SYT14: variants seen among roughly 807,000 people sequenced by gnomAD.
SYT14 encodes the protein synaptotagmin 14, also known as synaptotagmin-14.
SYT14 carries 32 observed loss-of-function variants against 74.2 expected under a neutral mutation model. The ratio of observed to expected loss-of-function variants is 0.43; its 90% CI spans 0.33 to 0.58. The LOEUF (loss-of-function observed/expected upper bound fraction) is 0.58. Ranked by LOEUF, SYT14 falls within the 20% of genes least tolerant of loss-of-function variation. SYT14 has a pLI of 0.05. For missense variants in SYT14, 791 were observed against 981.8 expected, an observed-to-expected ratio of 0.81 and a Z score of 2.60; for synonymous variants, 298 against 337.7, an observed-to-expected ratio of 0.88 and a Z score of 1.29.
intron 2 of SYT14, among the ~76,000 whole-genome samples, chr1:210,001,886 G>A (rs1208592922): frequency 6.6e-6 from 1 of 152,168 alleles, no homozygotes; most frequent in African/African-American, 2.4e-5. Flanking sequence ...AACTAGTAGG[G>A]AAGTGGTAGG....
At chr1:210,049,564 T>G (rs2102372782) in intron 5 of SYT14, among the ~76,000 whole-genome samples, 1 of 152,264 alleles carries the variant, frequency 6.6e-6, no homozygotes, top group African/African-American at 2.4e-5. Context: ...GTATTTCTCC[T>G]AATGCTATCC....
Position 210,155,315 on chromosome 1 carries a change from G to T in SYT14, c.2035-406G>T, listed in dbSNP as rs560976911. Among the ~76,000 whole-genome samples the T allele has an allele frequency of 1.1e-4, 16 of 152,198 alleles. No homozygotes were observed. The East Asian group carries it at 2.7e-3, about 26-fold the overall frequency. On this transcript the variant is annotated intron_variant, in intron 7 of 9. Transcript: ENST00000637265. Reference sequence around the variant, plus strand: ...TTTAGATGTTGGCTTATAAATAGCAGGTAGTTTTGTTTTGTTTATTTAAAG... The same window carrying T: ...TTTAGATGTTGGCTTATAAATAGCATGTAGTTTTGTTTTGTTTATTTAAAG...
exon 10 of SYT14, chr1:210,166,313 C>G (rs2083454749): frequency 1.3e-5 from 2 of 152,230 alleles, no homozygotes; most frequent in African/African-American, 2.4e-5. Flanking sequence ...CGCCTGTAAT[C>G]CCAACACTTT....
intron 2 of SYT14, among the ~76,000 whole-genome samples, chr1:209,955,060 T>A (rs935150852): frequency 3.3e-5 from 5 of 152,180 alleles, no homozygotes; most frequent in African/African-American, 1.2e-4. Context: ...TTTGCTAGCC[T>A]CTCTCCCCTG....
intron 2 of SYT14, among the ~76,000 whole-genome samples, chr1:209,956,601 A>G (rs553614942): frequency 6.6e-6 from 1 of 152,294 alleles, no homozygotes; most frequent in South Asian, 2.1e-4. Context: ...AGTAACTTCA[A>G]AACAGGCTAG....
chr1:210,008,450 G>C (rs2080028605), intron 2 of SYT14, among the ~76,000 whole-genome samples: 1 of 152,016 alleles, frequency 6.6e-6, no homozygotes, highest in Non-Finnish European at 1.5e-5. Flanking sequence ...TGCAGCCTCT[G>C]CCTCCTGGCT....
At chr1:209,947,365 G>A (rs1380695712) in intron 1 of SYT14, among the ~76,000 whole-genome samples, 12 of 152,190 alleles carry the variant, frequency 7.9e-5, no homozygotes, top group Admixed American at 7.9e-4. Flanking sequence ...AAGAACATTT[G>A]TGATTCATTA....
chr1:210,116,426 C>G (rs2082362663), intron 7 of SYT14, among the ~76,000 whole-genome samples: 1 of 152,198 alleles, frequency 6.6e-6, no homozygotes, highest in South Asian at 2.1e-4. Flanking sequence ...GCAACCTCCA[C>G]TTCCCAGGTT....
At chr1:210,053,429 G>A (rs1175724684) in intron 5 of SYT14, among the ~76,000 whole-genome samples, 1 of 152,204 alleles carries the variant, frequency 6.6e-6, no homozygotes, top group Non-Finnish European at 1.5e-5. Flanking sequence ...AATTAGGACT[G>A]CTTTTTAGGC....
At chr1:210,033,649 A>G (rs1194522022) in intron 5 of SYT14, among the ~76,000 whole-genome samples, 3 of 151,824 alleles carry the variant, frequency 2.0e-5, no homozygotes, top group Non-Finnish European at 4.4e-5. Context: ...CAAAAGTAAG[A>G]TCATTTAAAT....
chr1:210,000,613 C>CTTTT (rs71146203), intron 2 of SYT14, among the ~76,000 whole-genome samples: 17 of 105,444 alleles, frequency 1.6e-4, no homozygotes, highest in Admixed American at 5.1e-4. Context: ...TTTATGCCTT[C>CTTTT]TTTTTTTTTT....
At chr1:209,977,975 C>A (rs2079400495) in intron 2 of SYT14, among the ~76,000 whole-genome samples, 2 of 152,146 alleles carry the variant, frequency 1.3e-5, no homozygotes, top group Admixed American at 1.3e-4. Flanking sequence ...ATCACTGATA[C>A]CCTTTCTTCC....
intron 7 of SYT14, among the ~76,000 whole-genome samples, chr1:210,101,830 A>T (rs1572300963): frequency 6.6e-6 from 1 of 152,166 alleles, no homozygotes; most frequent in East Asian, 1.9e-4. Context: ...TCTCATTTAA[A>T]TTAGAAGAGA....
At chr1:209,969,246 C>G (rs755364654) in intron 2 of SYT14, among the ~76,000 whole-genome samples, 16 of 151,920 alleles carry the variant, frequency 1.1e-4, no homozygotes, top group Non-Finnish European at 1.8e-4. Context: ...GATTTATTTT[C>G]TTTTGGAGAT....
intron 5 of SYT14, among the ~76,000 whole-genome samples, chr1:210,078,216 A>G (rs969043512): frequency 4.1e-5 from 6 of 145,904 alleles, no homozygotes; most frequent in African/African-American, 1.0e-4. Context: ...AGGCTGAGGC[A>G]GGAGAATGGC....
intron 2 of SYT14, among the ~76,000 whole-genome samples, chr1:210,004,099 C>G (rs768885993): frequency 5.3e-5 from 8 of 151,940 alleles, no homozygotes; most frequent in Non-Finnish European, 1.0e-4. Context: ...TTCTGTTTGA[C>G]TCGTATTATA....
chr1:209,958,099 G>A lies in SYT14; in HGVS notation c.-486+5343G>A, dbSNP rs11805184. On this transcript the variant is annotated intron_variant, in intron 2 of 9. Transcript: ENST00000637265. ...TCCATCTGAAATTGATTTTTTATAT[G>A]GTTAAGAACCTAATTTCATTTTTTT... Among the ~76,000 whole-genome samples, 462 of 151,970 alleles carry A rather than the reference G, an allele frequency of 3.0e-3. 3 individuals carry two copies. The highest frequency in any genetic ancestry group is 9.8e-3 in the African/African-American group (408 of 41,456).
intron 5 of SYT14, among the ~76,000 whole-genome samples, chr1:210,063,825 T>C (rs553116606): frequency 6.6e-6 from 1 of 151,950 alleles, no homozygotes; most frequent in South Asian, 2.1e-4. Flanking sequence ...TCTTAAACAC[T>C]CCTAGGTTTC....
intron 7 of SYT14, among the ~76,000 whole-genome samples, chr1:210,116,280 A>G (rs2082359502): frequency 6.6e-6 from 1 of 152,078 alleles, no homozygotes; most frequent in Admixed American, 6.6e-5. Flanking sequence ...ATTATCTCTG[A>G]GTTTATTGCC....
Sources: allele counts gnomAD v4.1 joint callset (sites outside exome capture counted in the v4.1 genomes callset), GRCh38; gene constraint gnomAD v4.1.1; transcripts MANE v1.5; gene names NCBI Gene and HGNC (gene_info 2026-07-23, HGNC 2026-07-21).